The following PACRG variants were observed in gnomAD, a reference collection of about 807,000 sequenced individuals.
The protein encoded by PACRG is parkin coregulated gene protein.
In PACRG, 29 loss-of-function variants were observed where a neutral mutation model predicts 29.7. That is an observed-to-expected ratio of 0.98 (90% confidence interval 0.73 to 1.33). The LOEUF (loss-of-function observed/expected upper bound fraction) is 1.33. PACRG is among the 40% of genes most tolerant of loss of function. The probability of loss-of-function intolerance (pLI) is 0.00; values close to 1 mark genes in which losing one functional copy is unlikely to be tolerated. For synonymous variants in PACRG, 116 were observed against 118.7 expected (o/e 0.98, Z 0.15); for missense variants, 279 against 316.2 (o/e 0.88, Z 0.89).
intron 1 of PACRG, among the ~76,000 whole-genome samples, chr6:162,733,929 TA>T (rs68007525): frequency 0.23 from 35,419 of 152,046 alleles, 5,104 homozygotes; most frequent in African/African-American, 0.39. Flanking sequence ...AATATTAATT[TA>T]GTTGAGCCTG....
intron 4 of PACRG, among the ~76,000 whole-genome samples, chr6:163,311,233 C>T (rs1263886717): frequency 6.6e-6 from 1 of 152,156 alleles, no homozygotes; most frequent in East Asian, 1.9e-4. Flanking sequence ...TCTCATCTTT[C>T]CAGAAGCACC....
intron 4 of PACRG, among the ~76,000 whole-genome samples, chr6:163,234,421 A>G (rs1585356489): frequency 6.6e-6 from 1 of 152,162 alleles, no homozygotes; most frequent in Non-Finnish European, 1.5e-5. Flanking sequence ...ATCTCTGCAC[A>G]CACCAGCTCC....
At chr6:163,123,702 T>C (rs73027179) in intron 4 of PACRG, among the ~76,000 whole-genome samples, 4 of 152,332 alleles carry the variant, frequency 2.6e-5, no homozygotes, top group Non-Finnish European at 5.9e-5. Context: ...ATTGTCTACT[T>C]CTGTACATCT....
At chr6:162,997,483 C>T (rs1283334347) in intron 2 of PACRG, 1 of 448,462 alleles carries the variant, frequency 2.2e-6, no homozygotes, top group Non-Finnish European at 4.5e-6. Flanking sequence ...CAGACGGCAG[C>T]GAATCATGTC....
intron 2 of PACRG, among the ~76,000 whole-genome samples, chr6:163,031,562 T>C (rs952585912): frequency 6.6e-6 from 1 of 152,258 alleles, no homozygotes; most frequent in Non-Finnish European, 1.5e-5. Context: ...CCATTTTTAC[T>C]AAAGACAAAT....
intron 1 of PACRG, among the ~76,000 whole-genome samples, chr6:162,732,705 T>C (rs1203850328): frequency 1.3e-5 from 2 of 152,220 alleles, no homozygotes; most frequent in Admixed American, 6.5e-5. Context: ...CATCACCTTT[T>C]GTCTAGGCTT....
chr6:163,103,854 A>G (rs1469438140), intron 4 of PACRG, among the ~76,000 whole-genome samples: 4 of 152,194 alleles, frequency 2.6e-5, no homozygotes, highest in Admixed American at 6.5e-5. Context: ...ACAGATGAAA[A>G]AGCTGAGCAT....
At chr6:162,984,689 T>C (rs558145947) in intron 2 of PACRG, among the ~76,000 whole-genome samples, 1 of 151,458 alleles carries the variant, frequency 6.6e-6, no homozygotes, top group South Asian at 2.1e-4. Context: ...AGTATTTTTT[T>C]ATTATGGCCA....
chr6:163,295,132 G>A (rs1389744792), intron 4 of PACRG, among the ~76,000 whole-genome samples: 6 of 152,138 alleles, frequency 3.9e-5, no homozygotes, highest in Admixed American at 3.3e-4. Flanking sequence ...ACATGAAATT[G>A]ACATTTTTTA....
At chr6:163,094,437 C>T (rs1814387391) in intron 4 of PACRG, among the ~76,000 whole-genome samples, 1 of 152,144 alleles carries the variant, frequency 6.6e-6, no homozygotes, top group Non-Finnish European at 1.5e-5. Flanking sequence ...AATTGTCATG[C>T]ATATATCTAG....
At chr6:163,153,205 A>G (rs1406830561) in intron 4 of PACRG, among the ~76,000 whole-genome samples, 1 of 152,258 alleles carries the variant, frequency 6.6e-6, no homozygotes, top group Non-Finnish European at 1.5e-5. Flanking sequence ...AAGTATAGTC[A>G]GGAATTTTTA....
chr6:163,146,252 C>T (rs1468267412), intron 4 of PACRG, among the ~76,000 whole-genome samples: 1 of 152,184 alleles, frequency 6.6e-6, no homozygotes, highest in East Asian at 1.9e-4. Flanking sequence ...GCTTTCACCA[C>T]CACTTCCTGA....
intron 1 of PACRG, among the ~76,000 whole-genome samples, chr6:162,750,074 A>C (rs767735219): frequency 6.6e-6 from 1 of 152,190 alleles, no homozygotes. Context: ...CTTACAAACT[A>C]TGATAGTACT....
intron 4 of PACRG, among the ~76,000 whole-genome samples, chr6:163,138,513 C>T (rs1817027710): frequency 6.6e-6 from 1 of 152,190 alleles, no homozygotes; most frequent in African/African-American, 2.4e-5. Context: ...TGCTCCACCT[C>T]AGATCATTAA....
chr6:163,112,449 G>T (rs1261306612), intron 4 of PACRG, among the ~76,000 whole-genome samples: 3 of 152,182 alleles, frequency 2.0e-5, no homozygotes, highest in Non-Finnish European at 4.4e-5. Flanking sequence ...CAAACACAGA[G>T]GGGGCAACTA....
intron 1 of PACRG, among the ~76,000 whole-genome samples, chr6:162,741,725 A>G (rs895027512): frequency 6.6e-6 from 1 of 152,234 alleles, no homozygotes; most frequent in Non-Finnish European, 1.5e-5. Flanking sequence ...TCATCTGTCA[A>G]GACTGGAAGA....
intron 2 of PACRG, among the ~76,000 whole-genome samples, chr6:163,011,906 C>T (rs1416960093): frequency 1.3e-5 from 2 of 152,152 alleles, no homozygotes; most frequent in South Asian, 2.1e-4. Context: ...CTGTCTTCTA[C>T]CCCCACTTCT....
At chr6:162,794,808 A>G (rs1458666912) in intron 1 of PACRG, among the ~76,000 whole-genome samples, 1 of 152,242 alleles carries the variant, frequency 6.6e-6, no homozygotes, top group East Asian at 1.9e-4. Flanking sequence ...AACAAGGAAC[A>G]AAACAAACAA....
At chr6:163,212,738 A>T (rs943012471) in intron 4 of PACRG, among the ~76,000 whole-genome samples, 2 of 97,472 alleles carry the variant, frequency 2.1e-5, no homozygotes, top group East Asian at 5.0e-4. Flanking sequence ...AATGCACATT[A>T]ATTATAAAGG....
Sources: allele counts gnomAD v4.1 joint callset (sites outside exome capture counted in the v4.1 genomes callset), GRCh38; gene constraint gnomAD v4.1.1; transcripts MANE v1.5; gene names NCBI Gene and HGNC (gene_info 2026-07-23, HGNC 2026-07-21).